Variants in NKAIN2 observed in about 807,000 individuals in gnomAD.
NKAIN2 encodes sodium/potassium transporting ATPase interacting 2, also known as sodium/potassium-transporting ATPase subunit beta-1-interacting protein 2.
A neutral mutation model predicts 32.6 loss-of-function variants in NKAIN2; 14 were observed. The observed-to-expected ratio is 0.43, with a 90% CI of 0.28 to 0.67. The LOEUF is 0.67. NKAIN2 is among the 30% of genes least tolerant of loss of function. NKAIN2 has a pLI of 0.17. For missense variants in NKAIN2, 198 were observed against 258.3 expected, an observed-to-expected ratio of 0.77 and a Z score of 1.60; for synonymous variants, 80 against 87.2, an observed-to-expected ratio of 0.92 and a Z score of 0.46.
chr6:123,903,152 T>C (rs1437876245), intron 1 of NKAIN2, among the ~76,000 whole-genome samples: 1 of 152,244 alleles, frequency 6.6e-6, no homozygotes, highest in Non-Finnish European at 1.5e-5. Context: ...TGATGGCTGT[T>C]TGAACAGCTA....
chr6:124,550,570 G>T (rs1004589337), intron 3 of NKAIN2, among the ~76,000 whole-genome samples: 5 of 152,164 alleles, frequency 3.3e-5, no homozygotes, highest in African/African-American at 1.2e-4. Context: ...TACTAGGGCA[G>T]TGTCAGTGCT....
intron 1 of NKAIN2, among the ~76,000 whole-genome samples, chr6:123,996,472 A>G (rs1481691505): frequency 1.3e-5 from 2 of 152,134 alleles, no homozygotes; most frequent in African/African-American, 4.8e-5. Context: ...CAAGCTTGTG[A>G]TAAGTCATAT....
chr6:124,388,512 A>G (rs1178324218), intron 3 of NKAIN2, among the ~76,000 whole-genome samples: 2 of 152,014 alleles, frequency 1.3e-5, no homozygotes, highest in East Asian at 1.9e-4. Context: ...ACCTCTTCAT[A>G]TTCCCCAAAT....
At chr6:124,625,746 G>GA (rs1411117027) in intron 3 of NKAIN2, among the ~76,000 whole-genome samples, 6 of 151,588 alleles carry the variant, frequency 4.0e-5, no homozygotes, top group Admixed American at 1.3e-4. Context: ...GTCTTTTACA[G>GA]AAAATCTTCA....
rs1390609484 is a variant in NKAIN2 at position 124,003,225 on chromosome 6, T to G, written c.54+198971T>G. On this transcript the variant is annotated intron_variant, in intron 1 of 6. Transcript: ENST00000368417. The stretch of plus-strand genomic sequence containing the variant: ...TGGGGATGGAGATAAAAATCTGGAG[T>G]CACATTTTCATAGACTTACACATTA... Among the ~76,000 whole-genome samples the G allele has an allele frequency of 2.0e-5, 3 of 152,064 alleles. No homozygotes were observed. In the East Asian group the frequency reaches 5.8e-4, roughly 29 times the overall value.
intron 1 of NKAIN2, among the ~76,000 whole-genome samples, chr6:123,871,109 A>G (rs1562230938): frequency 2.0e-5 from 3 of 152,248 alleles, no homozygotes; most frequent in South Asian, 4.1e-4. Context: ...CTGCCATCAT[A>G]TATGTCCAGT....
At chr6:124,589,002 T>C (rs1312437735) in intron 3 of NKAIN2, among the ~76,000 whole-genome samples, 1 of 152,226 alleles carries the variant, frequency 6.6e-6, no homozygotes, top group Non-Finnish European at 1.5e-5. Flanking sequence ...TGCTATTCTT[T>C]ATTCATTTTT....
At chr6:124,188,531 A>G (rs547046015) in intron 1 of NKAIN2, among the ~76,000 whole-genome samples, 1 of 152,244 alleles carries the variant, frequency 6.6e-6, no homozygotes, top group African/African-American at 2.4e-5. Flanking sequence ...TGTTTGATTG[A>G]ATAACTGGCC....
At chr6:124,327,775 T>C (rs137872287) in intron 2 of NKAIN2, among the ~76,000 whole-genome samples, 6 of 152,268 alleles carry the variant, frequency 3.9e-5, no homozygotes, top group African/African-American at 1.4e-4. Flanking sequence ...ATTAAAGACC[T>C]TGGGAAATAG....
intron 3 of NKAIN2, among the ~76,000 whole-genome samples, chr6:124,508,801 A>G (rs908689430): frequency 4.6e-5 from 7 of 152,066 alleles, no homozygotes; most frequent in African/African-American, 1.7e-4. Flanking sequence ...ACAATCTTCG[A>G]TTTTGGTTTG....
intron 1 of NKAIN2, among the ~76,000 whole-genome samples, chr6:123,817,737 A>G (rs900089164): frequency 1.3e-5 from 2 of 152,146 alleles, no homozygotes; most frequent in African/African-American, 4.8e-5. Flanking sequence ...GCCAGTGGTA[A>G]ATGAGGAGAG....
chr6:124,268,026 T>C (rs375388226), intron 1 of NKAIN2, among the ~76,000 whole-genome samples: 1 of 152,230 alleles, frequency 6.6e-6, no homozygotes, highest in East Asian at 1.9e-4. Context: ...AAACTTCATT[T>C]TCATTTTTTA....
At chr6:124,748,634 A>T (rs553074833) in intron 4 of NKAIN2, among the ~76,000 whole-genome samples, 60 of 152,080 alleles carry the variant, frequency 3.9e-4, no homozygotes, top group Admixed American at 8.5e-4. Flanking sequence ...ATAAACACGG[A>T]GGAAGTTATA....
chr6:124,491,905 A>C (rs1777878865), intron 3 of NKAIN2, among the ~76,000 whole-genome samples: 1 of 151,956 alleles, frequency 6.6e-6, no homozygotes, highest in Non-Finnish European at 1.5e-5. Context: ...GCATAGGGAT[A>C]TGCCCACCTT....
At chr6:124,590,363 A>G (rs1479055) in intron 3 of NKAIN2, among the ~76,000 whole-genome samples, 206 of 152,292 alleles carry the variant, frequency 1.4e-3, no homozygotes, top group Middle Eastern at 6.8e-3. Flanking sequence ...TGCATCCTAT[A>G]TAGACTACTT....
chr6:123,900,990 A>G (rs1278984370), intron 1 of NKAIN2, among the ~76,000 whole-genome samples: 1 of 152,186 alleles, frequency 6.6e-6, no homozygotes, highest in East Asian at 1.9e-4. Flanking sequence ...AGCAGTTGAG[A>G]TGTTACACTT....
chr6:124,237,315 C>T (rs1792825648), intron 1 of NKAIN2, among the ~76,000 whole-genome samples: 2 of 152,130 alleles, frequency 1.3e-5, no homozygotes, highest in African/African-American at 4.8e-5. Flanking sequence ...TTAGATAATA[C>T]TGTTCTGGAA....
intron 1 of NKAIN2, among the ~76,000 whole-genome samples, chr6:124,156,974 A>G (rs1313383051): frequency 6.6e-6 from 1 of 151,504 alleles, no homozygotes; most frequent in African/African-American, 2.4e-5. Context: ...GTGGTGGTGC[A>G]CATCTGTAGT....
At chr6:124,729,148 A>G (rs1325583784) in intron 4 of NKAIN2, among the ~76,000 whole-genome samples, 1 of 152,238 alleles carries the variant, frequency 6.6e-6, no homozygotes, top group Non-Finnish European at 1.5e-5. Flanking sequence ...AACTGGTACC[A>G]TTCCTTCTGA....
Sources: gnomAD v4.1 joint callset for allele counts (sites outside exome capture counted in the v4.1 genomes callset) on GRCh38, gnomAD v4.1.1 for gene constraint, MANE v1.5 for transcripts, NCBI Gene and HGNC (gene_info 2026-07-23, HGNC 2026-07-21) for gene names.